Variants in ESR1 observed in about 807,000 individuals in gnomAD.
ESR1 encodes the protein estrogen receptor.
Under a neutral mutation model 52.7 loss-of-function variants are expected in ESR1, and 12 were observed. The observed-to-expected ratio is 0.23, with a 90% CI of 0.15 to 0.37. The LOEUF is 0.37. Among genes scored for constraint, ESR1 ranks in the 10% least tolerant of loss-of-function variants. The probability of loss-of-function intolerance (pLI) is 1.00; values close to 1 mark genes in which losing one functional copy is unlikely to be tolerated. For synonymous variants in ESR1, 305 were observed against 316.8 expected (o/e 0.96, Z 0.39); for missense variants, 584 against 779.7 (o/e 0.75, Z 2.99).
rs1180634954 is a variant in ESR1 at position 151,666,683 on chromosome 6, C to G, written n.73+9920C>G. Among the ~76,000 whole-genome samples the G allele has an allele frequency of 2.7e-5, 4 of 148,802 alleles. No individual in the cohort carries two copies. The East Asian group carries it at 7.9e-4, about 30-fold the overall frequency. ...GGGTTCTTACTCACCCTATTGGTGC[C>G]TCTTCCCCATCCCCCTCCTCCTCCT... is the stretch of plus-strand genomic sequence containing the variant. On this transcript the variant is annotated intron_variant and non_coding_transcript_variant, in intron 1 of 2. Transcript: ENST00000473497.
intron 4 of ESR1, among the ~76,000 whole-genome samples, chr6:151,957,194 C>T (rs1338349143): frequency 6.6e-6 from 1 of 152,028 alleles, no homozygotes; most frequent in Non-Finnish European, 1.5e-5. Context: ...CTGTATATTA[C>T]AGCCGTTGAA....
intron 5 of ESR1, among the ~76,000 whole-genome samples, chr6:152,037,545 C>T (rs1293937738): frequency 1.3e-5 from 2 of 152,150 alleles, no homozygotes; most frequent in Non-Finnish European, 2.9e-5. Flanking sequence ...CCCTTCCCTT[C>T]CCTAAACTGC....
chr6:151,796,991 A>T, intron 2 of ESR1, among the ~76,000 whole-genome samples: 1 of 152,326 alleles, frequency 6.6e-6, no homozygotes, highest in Non-Finnish European at 1.5e-5. Context: ...AGTATACACA[A>T]TGCTACTACA....
chr6:151,663,823 G>C (rs548141529), intron 1 of ESR1, among the ~76,000 whole-genome samples: 1 of 152,192 alleles, frequency 6.6e-6, no homozygotes, highest in Non-Finnish European at 1.5e-5. Context: ...AGCACCTGTT[G>C]TTCCTGAGAG....
At chr6:151,795,443 G>A (rs1470495928) in intron 2 of ESR1, among the ~76,000 whole-genome samples, 2 of 141,820 alleles carry the variant, frequency 1.4e-5, no homozygotes, top group South Asian at 2.2e-4. Context: ...AGCTGAAATC[G>A]CACCACTGCA....
At chr6:151,762,765 G>T (rs963490993) in intron 2 of ESR1, among the ~76,000 whole-genome samples, 3 of 152,076 alleles carry the variant, frequency 2.0e-5, no homozygotes, top group Non-Finnish European at 2.9e-5. Flanking sequence ...GGGGTTCAAA[G>T]CCAGCCTGGC....
chr6:151,714,249 C>T (rs1004155867), intron 2 of ESR1, among the ~76,000 whole-genome samples: 3 of 152,184 alleles, frequency 2.0e-5, no homozygotes, highest in African/African-American at 7.2e-5. Flanking sequence ...GAGTGTTTTA[C>T]TTCTAATTAT....
intron 5 of ESR1, among the ~76,000 whole-genome samples, chr6:152,054,689 T>C (rs1292844300): frequency 1.3e-5 from 2 of 152,210 alleles, no homozygotes; most frequent in Non-Finnish European, 2.9e-5. Context: ...TTTCTCTCTT[T>C]ACAAATAGCA....
At position 152,094,061 on chromosome 6, in the gene ESR1, AC is replaced by A. The variant is rs2050419265; in HGVS notation, c.1370-323del. Among the ~76,000 whole-genome samples the A allele has an allele frequency of 6.6e-6, 1 of 152,226 alleles. No homozygotes were observed. Among genetic ancestry groups the A allele is most frequent in the Admixed American group, 6.5e-5 (1 of 15,286 alleles). ...TGTCAGTTACATGGTCAATTACATT[AC>A]ATGGACAATTCATGATGGTGTCAGA... On this transcript the variant is annotated intron_variant, in intron 6 of 7. Transcript: ENST00000206249. The surrounding 1 kb of genome is among the most constrained non-coding windows in gnomAD (Gnocchi z 4.6).
At chr6:151,983,291 T>C (rs1258989341) in intron 4 of ESR1, among the ~76,000 whole-genome samples, 2 of 152,120 alleles carry the variant, frequency 1.3e-5, no homozygotes, top group African/African-American at 4.8e-5. Flanking sequence ...TTCAATCTTT[T>C]GAAAGCATGT....
chr6:151,851,114 A>G (rs936568840), intron 2 of ESR1, among the ~76,000 whole-genome samples: 9 of 152,166 alleles, frequency 5.9e-5, no homozygotes, highest in South Asian at 4.1e-4. Context: ...CTATCTTTCT[A>G]GTCATTTTAA....
intron 5 of ESR1, among the ~76,000 whole-genome samples, chr6:152,024,924 CA>C (rs2044007028): frequency 6.6e-6 from 1 of 151,040 alleles, no homozygotes; most frequent in Non-Finnish European, 1.5e-5. Flanking sequence ...ATATTGTCTG[CA>C]AATAGAGATT....
chr6:152,018,872 C>T (rs1019006687), intron 5 of ESR1, among the ~76,000 whole-genome samples: 1 of 151,748 alleles, frequency 6.6e-6, no homozygotes, highest in Admixed American at 6.6e-5. Flanking sequence ...TACTTAACTG[C>T]TTTAATGTAT....
chr6:151,690,176 A>C (rs1778847769), upstream of ESR1, among the ~76,000 whole-genome samples: 1 of 152,252 alleles, frequency 6.6e-6, no homozygotes, highest in South Asian at 2.1e-4. Context: ...AGCTGTAGCT[A>C]ACTTTGGATT....
At chr6:151,874,310 T>G (rs887248840) in intron 2 of ESR1, among the ~76,000 whole-genome samples, 2 of 152,204 alleles carry the variant, frequency 1.3e-5, no homozygotes, top group African/African-American at 4.8e-5. Flanking sequence ...GGAATGCATT[T>G]ATTTAAAAAA....
chr6:151,976,417 C>T (rs7764144), intron 4 of ESR1, among the ~76,000 whole-genome samples: 7,627 of 151,990 alleles, frequency 0.05, 490 homozygotes, highest in African/African-American at 0.15. Flanking sequence ...TAACACAACA[C>T]TAAGCCACAT....
chr6:151,986,786 G>A (rs535036956), intron 4 of ESR1, among the ~76,000 whole-genome samples: 5 of 152,134 alleles, frequency 3.3e-5, no homozygotes, highest in African/African-American at 7.2e-5. Context: ...CAAGCAGAAT[G>A]TCTTGACATC....
intron 2 of ESR1, among the ~76,000 whole-genome samples, chr6:151,755,870 A>G (rs1784245763): frequency 6.6e-6 from 1 of 151,924 alleles, no homozygotes; most frequent in Non-Finnish European, 1.5e-5. Flanking sequence ...ACCTCAGGTG[A>G]TCTGCCCGCT....
intron 2 of ESR1, among the ~76,000 whole-genome samples, chr6:151,782,164 G>A (rs1786606516): frequency 6.6e-6 from 1 of 152,072 alleles, no homozygotes; most frequent in Admixed American, 6.5e-5. Flanking sequence ...ACAACCTGTT[G>A]GAGTTGGAAA....
Sources: gnomAD v4.1 joint callset for allele counts (sites outside exome capture counted in the v4.1 genomes callset) on GRCh38, gnomAD v4.1.1 for gene constraint, Gnocchi (gnomAD v3.1) non-coding constraint, MANE v1.5 for transcripts, NCBI Gene and HGNC (gene_info 2026-07-23, HGNC 2026-07-21) for gene names.